The following COL21A1 variants were observed in gnomAD, a reference collection of about 807,000 sequenced individuals.
COL21A1 encodes the protein collagen type XXI alpha 1 chain, also known as collagen alpha-1(XXI) chain.
COL21A1 carries 149 observed loss-of-function variants against 137.9 expected under a neutral mutation model. That is an observed-to-expected ratio of 1.08 (90% confidence interval 0.95 to 1.24). The LOEUF (loss-of-function observed/expected upper bound fraction) is 1.24, where lower values mean the gene tolerates loss of function less well. COL21A1 is among the 50% of genes most tolerant of loss of function. COL21A1 has a pLI of 0.00. For missense variants in COL21A1, 1,167 were observed against 1,158.4 expected (o/e 1.01, Z -0.11); for synonymous variants, 456 against 391.5 (o/e 1.16, Z -1.95).
chr6:56,279,950 T>C (rs1763753947), intron 1 of COL21A1, among the ~76,000 whole-genome samples: 1 of 152,204 alleles, frequency 6.6e-6, no homozygotes, highest in Admixed American at 6.6e-5. Flanking sequence ...GTGACTCATC[T>C]GAATGCACTT....
intron 1 of COL21A1, among the ~76,000 whole-genome samples, chr6:56,371,510 C>T (rs965725367): frequency 2.0e-5 from 3 of 152,300 alleles, no homozygotes; most frequent in South Asian, 2.1e-4. Context: ...CCCCCATTCA[C>T]GTGGACCATC....
intron 21 of COL21A1, among the ~76,000 whole-genome samples, chr6:56,069,441 CTT>C (rs1282776184): frequency 6.6e-6 from 1 of 150,996 alleles, no homozygotes; most frequent in East Asian, 2.0e-4. Flanking sequence ...ACAAGTATCT[CTT>C]TTTTGTTTAC....
At chr6:56,125,011 C>CTTTTT (rs70986773) in intron 14 of COL21A1, among the ~76,000 whole-genome samples, 2 of 54,840 alleles carry the variant, frequency 3.6e-5, no homozygotes, top group Non-Finnish European at 6.2e-5. Context: ...ATCTGTAAAT[C>CTTTTT]TTTTTTTTTT....
In COL21A1 at chr6:56,316,020, G is replaced by T. The variant is rs542456623; in HGVS notation, c.-39+77951C>A. Among the ~76,000 whole-genome samples the T allele has an allele frequency of 2.0e-5, 3 of 152,142 alleles. No individual in the cohort carries two copies. In the East Asian group the frequency reaches 5.8e-4, roughly 29 times the overall value. On this transcript the variant is annotated intron_variant, in intron 1 of 28. Coordinates refer to the COL21A1 transcript ENST00000370819. ...TGTCAGTCATACCACAATAGATCTG[G>T]GAGAACAAAACACACCTATGCTAAT...
intron 16 of COL21A1, among the ~76,000 whole-genome samples, chr6:56,105,947 T>C (rs1260849641): frequency 1.3e-5 from 2 of 152,234 alleles, no homozygotes; most frequent in Non-Finnish European, 2.9e-5. Flanking sequence ...TCCACCATAC[T>C]GGTTTATGCA....
intron 1 of COL21A1, among the ~76,000 whole-genome samples, chr6:56,234,356 C>CA (rs1188476634): frequency 6.6e-6 from 1 of 151,468 alleles, no homozygotes; most frequent in Admixed American, 6.6e-5. Flanking sequence ...GAATTCAAAG[C>CA]AAAAGTATTA....
At chr6:56,236,430 G>C (rs1024035421) in intron 1 of COL21A1, among the ~76,000 whole-genome samples, 1 of 152,020 alleles carries the variant, frequency 6.6e-6, no homozygotes, top group Non-Finnish European at 1.5e-5. Context: ...GCTATAGGGA[G>C]GGGTTAAGGC....
intron 17 of COL21A1, among the ~76,000 whole-genome samples, chr6:56,098,248 AATATATAAATAC>A (rs1481526134): frequency 9.9e-5 from 5 of 50,358 alleles, no homozygotes; most frequent in Non-Finnish European, 1.4e-4. Context: ...AATATATATA[AATATATAAATAC>A]ATATATAAAT....
At chr6:56,190,402 A>T (rs1582600719) in intron 1 of COL21A1, among the ~76,000 whole-genome samples, 1 of 152,316 alleles carries the variant, frequency 6.6e-6, no homozygotes, top group East Asian at 1.9e-4. Context: ...AAAAAGTTGA[A>T]TCCCCGAATA....
intron 10 of COL21A1, among the ~76,000 whole-genome samples, chr6:56,149,133 A>G (rs1451652417): frequency 6.6e-6 from 1 of 152,240 alleles, no homozygotes; most frequent in Non-Finnish European, 1.5e-5. Flanking sequence ...ATTTCACTGT[A>G]AATAGCTCAT....
In COL21A1 at chr6:56,086,053, G is replaced by C. The variant is rs373520922; in HGVS notation, c.1813-8480C>G. ...AAACTATCTGTATTATAGGTATTAA[G>C]CTTGGATTGTCATCAGGGGTTTTAA... On this transcript the variant is annotated intron_variant, in intron 17 of 29. Coordinates refer to ENST00000244728, the MANE Select transcript of COL21A1 (RefSeq NM_030820.4). Among the ~76,000 whole-genome samples, 6 of 150,970 alleles carry C rather than the reference G, an allele frequency of 4.0e-5. No individual in the cohort carries two copies. The East Asian group carries it at 1.2e-3, about 29-fold the overall frequency.
intron 1 of COL21A1, among the ~76,000 whole-genome samples, chr6:56,324,400 G>C (rs1332670041): frequency 6.6e-6 from 1 of 152,060 alleles, no homozygotes; most frequent in Admixed American, 6.6e-5. Context: ...CACCAAATCA[G>C]TGTCCAGTTG....
At chr6:56,165,907 T>TACACACACAC (rs61397350) in intron 7 of COL21A1, among the ~76,000 whole-genome samples, 55 of 105,804 alleles carry the variant, frequency 5.2e-4, no homozygotes, top group Admixed American at 2.2e-3. Flanking sequence ...GGGGATTGAT[T>TACACACACAC]ACACACACAC....
chr6:56,336,680 A>G (rs1314117128), intron 1 of COL21A1, among the ~76,000 whole-genome samples: 1 of 152,188 alleles, frequency 6.6e-6, no homozygotes, highest in Non-Finnish European at 1.5e-5. Context: ...ATGTGAAAAC[A>G]GTTTTTCTTA....
chr6:56,335,972 G>A (rs1231928983), intron 1 of COL21A1, among the ~76,000 whole-genome samples: 1 of 152,164 alleles, frequency 6.6e-6, no homozygotes, highest in Non-Finnish European at 1.5e-5. Flanking sequence ...ATTCCATGAC[G>A]TTGATGATGA....
intron 17 of COL21A1, among the ~76,000 whole-genome samples, chr6:56,091,976 A>C (rs1455167549): frequency 5.9e-5 from 9 of 152,168 alleles, no homozygotes; most frequent in African/African-American, 2.2e-4. Flanking sequence ...TTTTAGGAAA[A>C]GAAAATTCCA....
intron 23 of COL21A1, 80 bp from the exon 24 acceptor site, chr6:56,064,702 C>T: frequency 1.2e-6 from 1 of 815,730 alleles, no homozygotes; most frequent in East Asian, 3.0e-5. Context: ...CTATGTATTA[C>T]CTTGAGTTCC....
At chr6:56,198,855 G>T (rs1779199537) in intron 1 of COL21A1, among the ~76,000 whole-genome samples, 1 of 152,048 alleles carries the variant, frequency 6.6e-6, no homozygotes, top group South Asian at 2.1e-4. Context: ...GAATAACTAT[G>T]GTGGCAGGAG....
At chr6:56,107,504 A>G (rs1483994692) in intron 16 of COL21A1, among the ~76,000 whole-genome samples, 1 of 152,180 alleles carries the variant, frequency 6.6e-6, no homozygotes, top group African/African-American at 2.4e-5. Context: ...AACATATGCT[A>G]TTAGACTTTA....
Sources: allele counts gnomAD v4.1 joint callset (sites outside exome capture counted in the v4.1 genomes callset), GRCh38; gene constraint gnomAD v4.1.1; transcripts MANE v1.5; gene names NCBI Gene and HGNC (gene_info 2026-07-23, HGNC 2026-07-21).